Variants in FRMD4A observed in about 807,000 individuals in gnomAD.
FRMD4A encodes FERM domain containing 4A.
FRMD4A carries 29 observed loss-of-function variants against 129.1 expected under a neutral mutation model. That is an observed-to-expected ratio of 0.22 (90% CI 0.17 to 0.31). The LOEUF (loss-of-function observed/expected upper bound fraction) is 0.31, where lower values mean the gene tolerates loss of function less well. Ranked by LOEUF, FRMD4A falls within the 10% of genes least tolerant of loss-of-function variation. The pLI is 1.00. For missense variants in FRMD4A, 1,272 were observed against 1,375.8 expected (o/e 0.92, Z 1.19); for synonymous variants, 634 against 571.6 (o/e 1.11, Z -1.56).
chr10:14,309,925 C>T (rs1846483434), intron 2 of FRMD4A, among the ~76,000 whole-genome samples: 1 of 151,624 alleles, frequency 6.6e-6, no homozygotes, highest in Non-Finnish European at 1.5e-5. Context: ...AGTCCCCCAC[C>T]GTCCCCTGCA....
Position 14,026,948 on chromosome 10 carries a change from A to T in FRMD4A, c.46-168036T>A, listed in dbSNP as rs527496604. ...AACATCAAATTTTCTTTCTTTTTTTAAAAGAATTTATTTTTATTGTTTGTG... is the reference window on the plus strand; with the variant it reads ...AACATCAAATTTTCTTTCTTTTTTTTAAAGAATTTATTTTTATTGTTTGTG... On this transcript the variant is annotated intron_variant, in intron 2 of 24. Coordinates refer to ENST00000357447, the MANE Select transcript of FRMD4A (RefSeq NM_018027.5). 9.0e-4 allele frequency among the ~76,000 whole-genome samples: 136 copies of T among 151,874 alleles called. 1 individual carries two copies. The highest frequency in any genetic ancestry group is 7.7e-3 in the Admixed American group (116 of 15,138).
Position 13,981,506 on chromosome 10 carries a change from C to T in FRMD4A, c.46-122594G>A, listed in dbSNP as rs541428391. Among the ~76,000 whole-genome samples the T allele has an allele frequency of 1.3e-4, 20 of 151,818 alleles. No individual in the cohort carries two copies. In the East Asian group the frequency reaches 3.5e-3, roughly 27 times the overall value. On this transcript the variant is annotated intron_variant, in intron 2 of 24. Transcript: ENST00000357447. The stretch of plus-strand genomic sequence containing the variant: ...CTGTAATCCCAGCACTTTGGGAGGC[C>T]GAGGCAGGCGGATCATGAGATCAGG...
In FRMD4A at chr10:13,892,630, G is replaced by A. The variant is rs570075791; in HGVS notation, c.46-33718C>T. ...ACACGGTGATAAAATAAAAGGGGAT[G>A]CTGGCAAGAGCCTCCACTTAGCAAA... On this transcript the variant is annotated intron_variant, in intron 2 of 24. Coordinates refer to ENST00000357447, the MANE Select transcript of FRMD4A (RefSeq NM_018027.5). Among the ~76,000 whole-genome samples the A allele has an allele frequency of 2.0e-5, 3 of 152,292 alleles. No homozygotes were observed. In the South Asian group the frequency reaches 6.2e-4, roughly 32 times the overall value.
intron 2 of FRMD4A, among the ~76,000 whole-genome samples, chr10:13,913,284 G>A (rs921579904): frequency 6.6e-6 from 1 of 152,154 alleles, no homozygotes; most frequent in African/African-American, 2.4e-5. Context: ...ACAAAGGGAT[G>A]GAGTTAATGT....
chr10:14,319,154 G>A (rs1434067230), intron 2 of FRMD4A, among the ~76,000 whole-genome samples: 1 of 152,118 alleles, frequency 6.6e-6, no homozygotes, highest in Non-Finnish European at 1.5e-5. Flanking sequence ...AAGACCAGTT[G>A]TTGAATCACC....
chr10:13,651,180 T>G (rs2081548262), intron 24 of FRMD4A: 4 of 152,284 alleles, frequency 2.6e-5, no homozygotes, highest in Admixed American at 2.6e-4. Context: ...GGAGACTAGC[T>G]TTCTAACGAG....
intron 3 of FRMD4A, among the ~76,000 whole-genome samples, chr10:13,829,870 C>T (rs1221212971): frequency 6.6e-6 from 1 of 152,170 alleles, no homozygotes; most frequent in Non-Finnish European, 1.5e-5. Flanking sequence ...AAGTGTTTCA[C>T]CAAAATAAAT....
At chr10:13,652,114 A>C in intron 23 of FRMD4A, 140 bp from the exon 24 acceptor site, 1 of 683,168 alleles carries the variant, frequency 1.5e-6, no homozygotes, top group South Asian at 1.7e-5. Flanking sequence ...GCAACAGATC[A>C]TACAAGTCAT....
At chr10:14,283,898 A>G (rs1178548992) in intron 2 of FRMD4A, among the ~76,000 whole-genome samples, 1 of 152,196 alleles carries the variant, frequency 6.6e-6, no homozygotes, top group Non-Finnish European at 1.5e-5. Context: ...GATCATCTCA[A>G]TTGATCATTT....
At chr10:13,975,025 G>A (rs752105605) in intron 2 of FRMD4A, among the ~76,000 whole-genome samples, 18 of 151,676 alleles carry the variant, frequency 1.2e-4, no homozygotes, top group Non-Finnish European at 1.9e-4. Context: ...GTGTCTGTGC[G>A]TGTCTGAGTA....
At chr10:14,127,401 GT>G (rs1200172535) in intron 2 of FRMD4A, among the ~76,000 whole-genome samples, 1 of 152,168 alleles carries the variant, frequency 6.6e-6, no homozygotes, top group Non-Finnish European at 1.5e-5. Context: ...AGTGTTCTGA[GT>G]CCCCGTCCTG....
At chr10:14,152,939 G>A (rs1840414876) in intron 2 of FRMD4A, among the ~76,000 whole-genome samples, 1 of 152,128 alleles carries the variant, frequency 6.6e-6, no homozygotes, top group African/African-American at 2.4e-5. Flanking sequence ...CTTAGTCTCT[G>A]GCAGAGCCCC....
chr10:13,882,000 T>G (rs1476534504), intron 2 of FRMD4A, among the ~76,000 whole-genome samples: 3 of 4,084 alleles, frequency 7.3e-4, no homozygotes, highest in Non-Finnish European at 0.012. Flanking sequence ...GGTGTGTGTG[T>G]GTGTGTGTGT....
chr10:13,910,539 G>A (rs527655052), intron 2 of FRMD4A, among the ~76,000 whole-genome samples: 12 of 152,316 alleles, frequency 7.9e-5, no homozygotes, highest in African/African-American at 2.9e-4. Context: ...TTGTTACTTA[G>A]CGATGGTTAA....
chr10:13,697,668 A>C (rs1016969769), intron 14 of FRMD4A, among the ~76,000 whole-genome samples: 1 of 152,062 alleles, frequency 6.6e-6, no homozygotes, highest in Non-Finnish European at 1.5e-5. Context: ...CAAAGCTTCA[A>C]TGTCCCTGTC....
In FRMD4A at chr10:14,121,541, G is replaced by C. The variant is rs535992779; in HGVS notation, c.45+208517C>G. On this transcript the variant is annotated intron_variant, in intron 2 of 24. Coordinates refer to ENST00000357447, the MANE Select transcript of FRMD4A (RefSeq NM_018027.5). ...TAAGAGTTTAAAAGAGGGGCTATCA[G>C]CTACAGTCACCTGTTACCTGGAGTG... 5.3e-5 allele frequency among the ~76,000 whole-genome samples: 8 copies of C among 152,308 alleles called. No homozygotes were observed. The South Asian group carries it at 1.7e-3, about 32-fold the overall frequency.
chr10:14,037,717 T>C (rs889364980), intron 2 of FRMD4A, among the ~76,000 whole-genome samples: 3 of 152,164 alleles, frequency 2.0e-5, no homozygotes, highest in African/African-American at 4.8e-5. Flanking sequence ...CCAATTTATA[T>C]CCCCAGTATA....
chr10:13,648,620 A>G (rs2081304139), intron 24 of FRMD4A: 1 of 152,132 alleles, frequency 6.6e-6, no homozygotes, highest in African/African-American at 2.4e-5. Context: ...TCCTCCTGAG[A>G]ACTAGGTTAA....
intron 3 of FRMD4A, among the ~76,000 whole-genome samples, chr10:13,844,275 T>C (rs2094011594): frequency 6.6e-6 from 1 of 152,212 alleles, no homozygotes; most frequent in Admixed American, 6.5e-5. Flanking sequence ...AACCAATGTT[T>C]AATGTTAATC....
Sources: gnomAD v4.1 joint callset for allele counts (sites outside exome capture counted in the v4.1 genomes callset) on GRCh38, gnomAD v4.1.1 for gene constraint, MANE v1.5 for transcripts, NCBI Gene and HGNC (gene_info 2026-07-23, HGNC 2026-07-21) for gene names.